The following RHOD variants were observed in gnomAD, a reference collection of about 807,000 sequenced individuals.
RHOD encodes rho-related GTP-binding protein RhoD.
Under a neutral mutation model 16.7 loss-of-function variants are expected in RHOD, and 11 were observed. The ratio of observed to expected loss-of-function variants is 0.66; its 90% CI spans 0.41 to 1.09. The LOEUF (loss-of-function observed/expected upper bound fraction) is 1.09, where lower values mean the gene tolerates loss of function less well. Among genes scored for constraint, RHOD ranks in the 50% least tolerant of loss-of-function variants. The pLI is 0.00. For missense variants in RHOD, 271 were observed against 291.7 expected (o/e 0.93, Z 0.52); for synonymous variants, 124 against 126.3 (o/e 0.98, Z 0.12).
rs1455119893 is a variant in RHOD, at chr11:67,056,867, A to C, written c.-36A>C. On this transcript the variant is annotated 5_prime_UTR_variant, in exon 1 of 5. Coordinates refer to ENST00000308831, the MANE Select transcript of RHOD (RefSeq NM_014578.4). ...CGCGCAGTCTGGGTCTCTGCGCCGCAGCCGCCCGCCCGCCCGCTCAGCGCC... is the reference window on the plus strand; with the variant it reads ...CGCGCAGTCTGGGTCTCTGCGCCGCCGCCGCCCGCCCGCCCGCTCAGCGCC... 3 of 1,357,488 alleles carry C rather than the reference A, an allele frequency of 2.2e-6. No homozygotes were observed. The highest frequency in any genetic ancestry group is 4.1e-5 in the Admixed American group (1 of 24,202). The allele number at this position is 1,357,488 out of a possible 1,614,324, so 84.1% of individuals were successfully genotyped here.
At chr11:67,065,820 A>G in intron 1 of RHOD, 76 bp from the exon 2 acceptor site, 1 of 922,250 alleles carries the variant, frequency 1.1e-6, no homozygotes, top group Non-Finnish European at 1.7e-6. Flanking sequence ...AGGAGGGAGC[A>G]GCGCTGTGGA....
At chr11:67,060,443 A>G (rs1279517574) in intron 1 of RHOD, among the ~76,000 whole-genome samples, 3 of 152,192 alleles carry the variant, frequency 2.0e-5, no homozygotes, top group Non-Finnish European at 2.9e-5. Flanking sequence ...CAACACAACA[A>G]AAGGTACAGA....
intron 3 of RHOD, chr11:67,070,162 A>G (rs1262411877): frequency 3.8e-6 from 2 of 527,846 alleles, no homozygotes; most frequent in Non-Finnish European, 7.2e-6. Flanking sequence ...GCCAAGTTAC[A>G]TCGCCTTTCT....
chr11:67,065,638 C>T (rs988284605), intron 1 of RHOD, among the ~76,000 whole-genome samples: 1 of 152,204 alleles, frequency 6.6e-6, no homozygotes, highest in Non-Finnish European at 1.5e-5. Flanking sequence ...GCTGGGATTA[C>T]AGGGTGAGCT....
rs1855030511 is a variant in RHOD, at chr11:67,071,537, G to C, written c.568G>C (p.Ala190Pro). ...CGTCTTCCAGGAGGCCGCCGAGGTG[G>C]CCCTCAGCAGCCGCGGTCGCAACTT... is the stretch of plus-strand genomic sequence containing the variant. Reference protein sequence around the residue: ...HAVFQEAAEVALSSRGRNFWR... With the variant: ...HAVFQEAAEVPLSSRGRNFWR... Residue 190 changes from alanine (A) to proline (P), a missense_variant, in exon 5 of 5, where the codon GCC becomes CCC. Ala to Pro is a conservative substitution (Grantham distance 27, BLOSUM62 -1). Transcript: ENST00000308831. 1 of 1,611,630 alleles carries C rather than the reference G, an allele frequency of 6.2e-7. No homozygotes were observed.
intron 1 of RHOD, among the ~76,000 whole-genome samples, chr11:67,057,780 G>A (rs1304632873): frequency 1.3e-5 from 2 of 152,248 alleles, no homozygotes; most frequent in African/African-American, 4.8e-5. Context: ...CTGTAGGGCA[G>A]TGGTGAAGTG....
At chr11:67,059,355 C>T (rs989806236) in intron 1 of RHOD, among the ~76,000 whole-genome samples, 2 of 152,062 alleles carry the variant, frequency 1.3e-5, no homozygotes, top group South Asian at 4.1e-4. Flanking sequence ...GCCTGGCCAA[C>T]ATGGTGAAAC....
intron 3 of RHOD, 77 bp downstream of exon 3, chr11:67,066,924 G>A: frequency 1.0e-6 from 1 of 972,216 alleles, no homozygotes; most frequent in Non-Finnish European, 1.7e-6. Context: ...CGACCCAGCT[G>A]ACTGTCAGAG....
chr11:67,064,404 CAA>C (rs551453728), intron 1 of RHOD, among the ~76,000 whole-genome samples: 23 of 61,096 alleles, frequency 3.8e-4, no homozygotes, highest in Non-Finnish European at 4.4e-4. Flanking sequence ...GACTCCCTCT[CAA>C]AAAAAAAAAA....
chr11:67,066,269 T>G (rs1854958402), intron 2 of RHOD, among the ~76,000 whole-genome samples: 1 of 152,136 alleles, frequency 6.6e-6, no homozygotes, highest in Non-Finnish European at 1.5e-5. Context: ...ACTCTGCTTT[T>G]AGTTTCTGTA....
rs371242679 is a variant in RHOD at position 67,071,530 on chromosome 11, C to T, written c.561C>T (p.Ala187=). The change falls in exon 5 of 5, where the codon GCC becomes GCT. Residue 187 remains alanine (A), a synonymous_variant. Coordinates refer to ENST00000308831, the MANE Select transcript of RHOD (RefSeq NM_014578.4). ...DNVHAVFQEA[A]EVALSSRGRN... ...TCCACGCCGTCTTCCAGGAGGCCGC[C>T]GAGGTGGCCCTCAGCAGCCGCGGTC... 1.4e-4 allele frequency: 229 copies of T among 1,611,852 alleles called. 2 individuals carry two copies. In the Admixed American group the frequency reaches 3.1e-3, roughly 22 times the overall value.
chr11:67,070,018 T>C (rs1855006735), intron 3 of RHOD, among the ~76,000 whole-genome samples: 1 of 152,092 alleles, frequency 6.6e-6, no homozygotes, highest in African/African-American at 2.4e-5. Context: ...GATCCCTTAC[T>C]TCCTTATATG....
chr11:67,056,891 C>T lies in RHOD; in HGVS notation c.-12C>T. 1.4e-6 allele frequency: 2 copies of T among 1,410,006 alleles called. No homozygotes were observed. Among genetic ancestry groups the T allele is most frequent in the Non-Finnish European group, 1.8e-6 (2 of 1,092,160 alleles). 87.3% of individuals were successfully genotyped at this position (1,410,006 alleles called of 1,614,324 possible). ...CAGCCGCCCGCCCGCCCGCTCAGCG[C>T]CCGGCCCCGGGATGACGGCGGCCCA... is the stretch of plus-strand genomic sequence containing the variant. On this transcript the variant is annotated 5_prime_UTR_variant, in exon 1 of 5. Coordinates refer to ENST00000308831, the MANE Select transcript of RHOD (RefSeq NM_014578.4).
chr11:67,068,048 C>T (rs1184675488), intron 3 of RHOD, among the ~76,000 whole-genome samples: 1 of 152,206 alleles, frequency 6.6e-6, no homozygotes, highest in Non-Finnish European at 1.5e-5. Flanking sequence ...ATCCGCCCGC[C>T]TCGGCCTCCC....
chr11:67,066,797 C>T lies in RHOD; in HGVS notation c.280C>T (p.Leu94Phe), dbSNP rs1411834584. The T allele has an allele frequency of 1.2e-6, 2 of 1,614,010 alleles. No homozygotes were observed. ...LFYPDASVLLLCFDVTSPNSF... is the reference protein window; with the variant it reads ...LFYPDASVLLFCFDVTSPNSF... ...CTACCCTGACGCCAGCGTCCTGCTG[C>T]TTTGCTTCGATGTCACCAGCCCGAA... Residue 94 changes from leucine (L) to phenylalanine (F), a missense_variant, in exon 3 of 5, where the codon CTT (leucine) becomes TTT (phenylalanine). Transcript: ENST00000308831.
rs776366712 is a variant in RHOD at position 67,056,928 on chromosome 11, A to G, written c.26A>G (p.Glu9Gly). 8.1e-6 allele frequency: 12 copies of G among 1,475,382 alleles called. No individual in the cohort carries two copies. Among genetic ancestry groups the G allele is most frequent in the Middle Eastern group, 2.3e-4 (1 of 4,352 alleles). The allele number at this position is 1,475,382 out of a possible 1,614,324, so 91.4% of individuals were successfully genotyped here. Residue 9 changes from glutamate (E) to glycine (G), a missense_variant, in exon 1 of 5, where the codon GAG becomes GGG. Physicochemically the swap from Glu to Gly is moderately conservative, Grantham distance 98. Coordinates refer to ENST00000308831, the MANE Select transcript of RHOD (RefSeq NM_014578.4). ...ATGACGGCGGCCCAGGCCGCGGGTG[A>G]GGAGGCGCCACCAGGCGTGCGGTCC... MTAAQAAG[E>G]EAPPGVRSVK... is the part of the protein sequence containing the mutation.
intron 1 of RHOD, among the ~76,000 whole-genome samples, chr11:67,064,702 A>T (rs956453456): frequency 3.9e-5 from 6 of 152,182 alleles, no homozygotes; most frequent in Non-Finnish European, 8.8e-5. Flanking sequence ...CAAGGAATGA[A>T]TAAACATGTA....
rs150927582 is a variant in RHOD at position 67,057,993 on chromosome 11, T to A, written c.132+959T>A. ...GAGTTGCTTCCAGCATCTCTTCTTT[T>A]TTTTTATTTTTATTTTTTTTGAGAA... On this transcript the variant is annotated intron_variant, in intron 1 of 4. Transcript: ENST00000308831. 1.8e-3 allele frequency among the ~76,000 whole-genome samples: 278 copies of A among 152,292 alleles called. 3 individuals are homozygous for A. The highest frequency in any genetic ancestry group is 6.5e-3 in the African/African-American group (271 of 41,562).
At chr11:67,066,647 T>C in intron 2 of RHOD, 91 bp from the exon 3 acceptor site, 1 of 882,226 alleles carries the variant, frequency 1.1e-6, no homozygotes, top group South Asian at 1.3e-5. Context: ...CCCCAGAAGC[T>C]CCCCATCTGA....
Sources: allele counts gnomAD v4.1 joint callset (sites outside exome capture counted in the v4.1 genomes callset), GRCh38; gene constraint gnomAD v4.1.1; transcripts MANE v1.5; gene names NCBI Gene and HGNC (gene_info 2026-07-23, HGNC 2026-07-21).